The following CDH18 variants were observed in gnomAD, a reference collection of about 807,000 sequenced individuals.
CDH18 encodes cadherin-18.
In CDH18, 31 loss-of-function variants were observed where a neutral mutation model predicts 67.9. The ratio of observed to expected loss-of-function variants is 0.46; its 90% CI spans 0.34 to 0.62. CDH18 has a LOEUF of 0.62. CDH18 is among the 20% of genes least tolerant of loss of function. The pLI is 0.01. For missense variants in CDH18, 890 were observed against 975.5 expected, an observed-to-expected ratio of 0.91 and a Z score of 1.17; for synonymous variants, 362 against 347.2, an observed-to-expected ratio of 1.04 and a Z score of -0.48.
intron 5 of CDH18, among the ~76,000 whole-genome samples, chr5:19,674,457 C>T (rs1378242858): frequency 6.6e-6 from 1 of 151,980 alleles, no homozygotes; most frequent in African/African-American, 2.4e-5. Context: ...GGAATTTTTT[C>T]TAACAATTTT....
At chr5:19,834,857 C>T (rs1781446315) in intron 3 of CDH18, among the ~76,000 whole-genome samples, 1 of 151,874 alleles carries the variant, frequency 6.6e-6, no homozygotes, top group Non-Finnish European at 1.5e-5. Flanking sequence ...ATTCTGAGTT[C>T]TAATTTGATT....
At chr5:19,994,253 A>G (rs1205235899) in intron 2 of CDH18, among the ~76,000 whole-genome samples, 3 of 147,804 alleles carry the variant, frequency 2.0e-5, no homozygotes, top group African/African-American at 7.4e-5. Flanking sequence ...ACATATACAC[A>G]TATATACACA....
intron 12 of CDH18, among the ~76,000 whole-genome samples, chr5:19,479,849 A>T (rs1469420093): frequency 1.3e-5 from 2 of 152,180 alleles, no homozygotes; most frequent in Non-Finnish European, 2.9e-5. Flanking sequence ...AAAAGTAAAC[A>T]TATCATATAG....
chr5:20,318,704 G>A (rs1737693362), intron 1 of CDH18, among the ~76,000 whole-genome samples: 1 of 152,068 alleles, frequency 6.6e-6, no homozygotes, highest in Non-Finnish European at 1.5e-5. Context: ...TGGTGACGAT[G>A]GTGACATGTT....
intron 3 of CDH18, among the ~76,000 whole-genome samples, chr5:19,767,201 G>T (rs748287120): frequency 2.3e-4 from 35 of 151,874 alleles, no homozygotes; most frequent in Admixed American, 4.6e-4. Flanking sequence ...GTGTTTTTTT[G>T]TAAATCTCAA....
chr5:19,777,248 C>G (rs1179317929), intron 3 of CDH18, among the ~76,000 whole-genome samples: 1 of 152,144 alleles, frequency 6.6e-6, no homozygotes, highest in African/African-American at 2.4e-5. Context: ...TCATTCCACT[C>G]CAGCCTGGGC....
At chr5:20,466,694 G>A (rs745798448) in intron 1 of CDH18, among the ~76,000 whole-genome samples, 1 of 151,986 alleles carries the variant, frequency 6.6e-6, no homozygotes, top group Admixed American at 6.6e-5. Context: ...TGCGTCATCA[G>A]AGACTCTAAT....
At chr5:19,708,152 G>A (rs762990023) in intron 5 of CDH18, among the ~76,000 whole-genome samples, 2 of 152,134 alleles carry the variant, frequency 1.3e-5, no homozygotes, top group Non-Finnish European at 2.9e-5. Flanking sequence ...CATCTAGAAG[G>A]ACACTCTACA....
intron 6 of CDH18, among the ~76,000 whole-genome samples, chr5:19,607,756 TA>T (rs1278827729): frequency 6.6e-6 from 1 of 150,416 alleles, no homozygotes; most frequent in African/African-American, 2.4e-5. Flanking sequence ...AAATTAAGAA[TA>T]AAAAATTAAG....
chr5:20,313,475 A>T (rs1737178605), intron 1 of CDH18, among the ~76,000 whole-genome samples: 1 of 152,030 alleles, frequency 6.6e-6, no homozygotes, highest in Admixed American at 6.6e-5. Flanking sequence ...CTGATGTAAA[A>T]CTGTATTAAA....
rs543995098 is a variant in CDH18, at chr5:20,048,821, T to G, written c.-517-56807A>C. ...ATGGAGACTTTTATCTAGTAGGTTT[T>G]AAAATTAAAGTTGCACATATATAGC... On this transcript the variant is annotated intron_variant, in intron 2 of 14. Transcript: ENST00000507958. Among the ~76,000 whole-genome samples the G allele has an allele frequency of 1.3e-4, 20 of 151,804 alleles. No homozygotes were observed. The South Asian group carries it at 3.7e-3, about 28-fold the overall frequency.
intron 3 of CDH18, among the ~76,000 whole-genome samples, chr5:19,813,032 A>G (rs1194740648): frequency 6.6e-6 from 1 of 152,116 alleles, no homozygotes; most frequent in Non-Finnish European, 1.5e-5. Flanking sequence ...CAGGAAACTA[A>G]CACAGGAACA....
intron 2 of CDH18, among the ~76,000 whole-genome samples, chr5:20,015,890 T>C (rs1737836062): frequency 6.6e-6 from 1 of 152,098 alleles, no homozygotes; most frequent in Non-Finnish European, 1.5e-5. Flanking sequence ...TTAGATGAAT[T>C]AGGTCTTTAG....
rs540391748 is a variant in CDH18 at position 19,555,146 on chromosome 5, G to A, written c.1254-11141C>T. Among the ~76,000 whole-genome samples the A allele has an allele frequency of 4.8e-4, 73 of 152,286 alleles. 1 individual carries two copies. The highest frequency in any genetic ancestry group is 1.4e-3 in the African/African-American group (59 of 41,568). The stretch of plus-strand genomic sequence containing the variant: ...TATGACTAGAGCCAGGGAAAATGGC[G>A]GAGAGGAGGCAGGACTAACTTGCAG... On this transcript the variant is annotated intron_variant, in intron 8 of 12. Transcript: ENST00000382275.
intron 2 of CDH18, among the ~76,000 whole-genome samples, chr5:20,178,613 T>A (rs1172205593): frequency 6.6e-6 from 1 of 151,206 alleles, no homozygotes; most frequent in Admixed American, 6.6e-5. Flanking sequence ...TGTTCTAAAG[T>A]AATAAGTGTC....
At chr5:20,154,374 CT>C (rs1751362256) in intron 2 of CDH18, among the ~76,000 whole-genome samples, 1 of 152,088 alleles carries the variant, frequency 6.6e-6, no homozygotes, top group African/African-American at 2.4e-5. Context: ...CCAATATTTA[CT>C]TTTATTAGTC....
intron 2 of CDH18, among the ~76,000 whole-genome samples, chr5:20,130,565 TCAAG>T (rs540598108): frequency 1.1e-4 from 17 of 151,972 alleles, no homozygotes; most frequent in Non-Finnish European, 2.1e-4. Context: ...CATGGCCTAG[TCAAG>T]TTGACCCATA....
At chr5:19,668,801 G>C (rs1007093599) in intron 5 of CDH18, among the ~76,000 whole-genome samples, 21 of 152,018 alleles carry the variant, frequency 1.4e-4, no homozygotes, top group African/African-American at 4.8e-4. Context: ...ATTCATACTA[G>C]TGCAAGCATG....
intron 2 of CDH18, among the ~76,000 whole-genome samples, chr5:20,159,789 G>GA (rs1751830655): frequency 6.6e-6 from 1 of 152,064 alleles, no homozygotes. Flanking sequence ...ATTATATTCT[G>GA]AGAACTATGG....
Sources: gnomAD v4.1 joint callset for allele counts (sites outside exome capture counted in the v4.1 genomes callset) on GRCh38, gnomAD v4.1.1 for gene constraint, MANE v1.5 for transcripts, NCBI Gene and HGNC (gene_info 2026-07-23, HGNC 2026-07-21) for gene names.